The following GLI3 variants were observed in gnomAD, a reference collection of about 807,000 sequenced individuals.
GLI3 encodes the protein transcription activator GLI3.
Under a neutral mutation model 100.8 loss-of-function variants are expected in GLI3, and 20 were observed. That is an observed-to-expected ratio of 0.20 (90% CI 0.14 to 0.29). GLI3 has a LOEUF of 0.29. Ranked by LOEUF, GLI3 falls within the 10% of genes least tolerant of loss-of-function variation. The pLI is 1.00. For missense variants in GLI3, 2,040 were observed against 2,128.5 expected, an observed-to-expected ratio of 0.96 and a Z score of 0.82; for synonymous variants, 938 against 860.5, an observed-to-expected ratio of 1.09 and a Z score of -1.58.
chr7:42,012,276 T>C (rs1788635711), intron 10 of GLI3, among the ~76,000 whole-genome samples: 1 of 152,188 alleles, frequency 6.6e-6, no homozygotes, highest in Non-Finnish European at 1.5e-5. Context: ...CAGGTACTGA[T>C]AGCGACAAGC....
rs1263837741 is a variant in GLI3, at chr7:42,048,650, T to A, written c.520A>T (p.Ile174Phe). The A allele has an allele frequency of 6.2e-7, 1 of 1,610,058 alleles. No individual in the cohort carries two copies. The highest frequency in any genetic ancestry group is 8.5e-7 in the Non-Finnish European group (1 of 1,179,242). ...SSPTYPDLPF[I>F]RISPHRNPTA... The stretch of plus-strand genomic sequence containing the variant: ...GGGTTCCGGTGTGGGGAGATCCTAA[T>A]GAAGGGCAGGTCCGGATACGTAGGG... Residue 174 changes from isoleucine (I) to phenylalanine (F), a missense_variant, in exon 5 of 15, where the codon ATT (isoleucine) becomes TTT (phenylalanine). Ile to Phe is a conservative substitution (Grantham distance 21). Coordinates refer to ENST00000395925, the MANE Select transcript of GLI3 (RefSeq NM_000168.6).
At chr7:42,214,718 T>G (rs539009181) in intron 2 of GLI3, among the ~76,000 whole-genome samples, 1 of 151,944 alleles carries the variant, frequency 6.6e-6, no homozygotes, top group East Asian at 1.9e-4. Context: ...TATAGCTGCA[T>G]TAAGTGTTCA....
At chr7:42,202,371 CA>C (rs1788061675) in intron 2 of GLI3, among the ~76,000 whole-genome samples, 4 of 151,562 alleles carry the variant, frequency 2.6e-5, no homozygotes, top group Admixed American at 6.6e-5. Flanking sequence ...CACACACACA[CA>C]CACACACACA....
intron 3 of GLI3, among the ~76,000 whole-genome samples, chr7:42,136,212 C>T (rs755266218): frequency 3.9e-5 from 6 of 152,186 alleles, no homozygotes; most frequent in Non-Finnish European, 8.8e-5. Flanking sequence ...AGCCCATCTT[C>T]CAAAAGCCAC....
Position 41,972,503 on chromosome 7 carries a change from A to T in GLI3, c.1937T>A (p.Ile646Asn), listed in dbSNP as rs1273389250. 2 of 1,612,904 alleles carry T rather than the reference A, an allele frequency of 1.2e-6. No individual in the cohort carries two copies. The highest frequency in any genetic ancestry group is 4.5e-5 in the East Asian group (2 of 44,814). ...AHVTKKQRGD[I>N]HPRPPPPRDS... The stretch of plus-strand genomic sequence containing the variant: ...TCTCGGGGGTGGCGGCCGAGGATGG[A>T]TGTCCCCTCGCTGCTTCTTGGTGAC... Residue 646 changes from isoleucine (I) to asparagine (N), a missense_variant, in exon 13 of 15, where the codon ATC becomes AAC. Ile to Asn is a moderately radical substitution (Grantham distance 149). This residue lies in a region of GLI3 where 327 missense variants were observed against 338.7 expected (regional missense o/e 0.97). Transcript: ENST00000395925. This position sits in a 1 kb window ranked among gnomAD's most constrained non-coding sequence, Gnocchi z 4.4.
intron 4 of GLI3, among the ~76,000 whole-genome samples, chr7:42,073,395 A>G (rs1264866944): frequency 1.3e-5 from 2 of 152,222 alleles, no homozygotes; most frequent in Non-Finnish European, 2.9e-5. Context: ...CTGTAATTGC[A>G]GTTGTTCTAA....
At chr7:42,126,612 A>G (rs1786137969) in intron 3 of GLI3, among the ~76,000 whole-genome samples, 1 of 152,226 alleles carries the variant, frequency 6.6e-6, no homozygotes, top group African/African-American at 2.4e-5. Context: ...GGAAACAACA[A>G]TCTGAGTTTC....
At chr7:42,197,862 A>G (rs188336816) in intron 2 of GLI3, among the ~76,000 whole-genome samples, 101 of 152,292 alleles carry the variant, frequency 6.6e-4, no homozygotes, top group Non-Finnish European at 1.0e-3. Flanking sequence ...CATAACCTTC[A>G]GGAAGCCCAC....
intron 10 of GLI3, among the ~76,000 whole-genome samples, chr7:41,979,671 A>G (rs1487357643): frequency 1.3e-5 from 2 of 152,220 alleles, no homozygotes; most frequent in East Asian, 3.9e-4. Context: ...GCTATGGACT[A>G]CTGAAGACAT....
chr7:42,067,822 C>G (rs1784706109), intron 4 of GLI3, among the ~76,000 whole-genome samples: 1 of 152,152 alleles, frequency 6.6e-6, no homozygotes, highest in Admixed American at 6.5e-5. Flanking sequence ...ACACACAATT[C>G]ATTTTGGTAT....
intron 10 of GLI3, among the ~76,000 whole-genome samples, chr7:41,987,095 G>GACACACAC (rs1323125464): frequency 4.1e-5 from 3 of 73,322 alleles, no homozygotes; most frequent in African/African-American, 1.0e-4. Flanking sequence ...CACAGACACA[G>GACACACAC]ACACAGACAC....
chr7:42,036,571 G>T (rs1276609595), intron 7 of GLI3, among the ~76,000 whole-genome samples: 1 of 152,312 alleles, frequency 6.6e-6, no homozygotes, highest in South Asian at 2.1e-4. Context: ...AACCACATTT[G>T]CACTAGGGCA....
At chr7:42,021,968 ACAGT>A (rs1202947981) in intron 10 of GLI3, among the ~76,000 whole-genome samples, 1 of 152,238 alleles carries the variant, frequency 6.6e-6, no homozygotes, top group African/African-American at 2.4e-5. Context: ...TTCCATTAAA[ACAGT>A]CAGCAAGAAT....
Position 42,054,626 on chromosome 7 carries a change from AT to A in GLI3, c.474-5931del, listed in dbSNP as rs113084441. Reference sequence around the variant, plus strand: ...AGAGGGTAGTTGTTCTTTTTAATGCATTTTTAACCAATTAATTAATTATTCA... The same window carrying A: ...AGAGGGTAGTTGTTCTTTTTAATGCATTTTAACCAATTAATTAATTATTCA... On this transcript the variant is annotated intron_variant, in intron 4 of 14. Transcript: ENST00000395925. Among the ~76,000 whole-genome samples the A allele has an allele frequency of 3.7e-3, 568 of 152,246 alleles. 4 individuals are homozygous for A. Among genetic ancestry groups the A allele is most frequent in the African/African-American group, 0.013 (540 of 41,540 alleles).
intron 3 of GLI3, among the ~76,000 whole-genome samples, chr7:42,109,706 G>T (rs1785660131): frequency 1.3e-5 from 2 of 152,148 alleles, no homozygotes; most frequent in South Asian, 4.1e-4. Context: ...GAACAATGAA[G>T]AATCAACAAA....
At chr7:42,204,473 C>T (rs1044969443) in intron 2 of GLI3, among the ~76,000 whole-genome samples, 5 of 152,186 alleles carry the variant, frequency 3.3e-5, no homozygotes, top group Admixed American at 1.3e-4. Flanking sequence ...TTACATTGCA[C>T]TTAATAAGTG....
chr7:42,153,475 C>T (rs976417967), intron 2 of GLI3, among the ~76,000 whole-genome samples: 1 of 147,752 alleles, frequency 6.8e-6, no homozygotes, highest in Non-Finnish European at 1.5e-5. Flanking sequence ...CATTAAATTA[C>T]AAAACTGAAG....
intron 13 of GLI3, among the ~76,000 whole-genome samples, chr7:41,968,739 A>AGAAAGAAGGAAG (rs1562661916): frequency 7.5e-6 from 1 of 133,088 alleles, no homozygotes; most frequent in African/African-American, 3.4e-5. Flanking sequence ...AAAGAAAGAA[A>AGAAAGAAGGAAG]GAAAGAAAGA....
Position 42,040,258 on chromosome 7 carries a change from A to C in GLI3, c.827-19T>G, listed in dbSNP as rs763470189. The C allele has an allele frequency of 6.3e-7, 1 of 1,575,550 alleles. No individual in the cohort carries two copies. The highest frequency in any genetic ancestry group is 1.1e-5 in the South Asian group (1 of 90,184). On this transcript the variant is annotated intron_variant, in intron 6 of 14. Coordinates refer to ENST00000395925, the MANE Select transcript of GLI3 (RefSeq NM_000168.6). ...CTGGTGCCTGTTATATAAACAAAAA[A>C]GAACCTAATTACCTGCAGTTGGACT...
Sources: allele counts gnomAD v4.1 joint callset (sites outside exome capture counted in the v4.1 genomes callset), GRCh38; gene constraint gnomAD v4.1.1; regional missense constraint gnomAD v4.1.1; non-coding constraint Gnocchi (gnomAD v3.1); transcripts MANE v1.5; gene names NCBI Gene and HGNC (gene_info 2026-07-23, HGNC 2026-07-21).